Variants in FUBP3 observed in about 807,000 individuals in gnomAD.
The protein encoded by FUBP3 is far upstream element binding protein 3, also known as far upstream element-binding protein 3.
Under a neutral mutation model 85.6 loss-of-function variants are expected in FUBP3, and 28 were observed. That is an observed-to-expected ratio of 0.33 (90% CI 0.24 to 0.45). FUBP3 has a LOEUF of 0.45. Ranked by LOEUF, FUBP3 falls within the 20% of genes least tolerant of loss-of-function variation. FUBP3 has a pLI of 1.00. For missense variants in FUBP3, 583 were observed against 755.1 expected (o/e 0.77, Z 2.67); for synonymous variants, 271 against 271.4 (o/e 1.00, Z 0.01).
In FUBP3 at chr9:130,632,764, C is replaced by T. The variant is rs567212840; in HGVS notation, c.1510+486C>T. On this transcript the variant is annotated intron_variant, in intron 16 of 18. Transcript: ENST00000319725. The stretch of plus-strand genomic sequence containing the variant: ...CTAGGGAATGACTTCTTCTGCATCC[C>T]GCCTCTCCAGGGAGGCTGGTTGTGA... Among the ~76,000 whole-genome samples, 7 of 152,356 alleles carry T rather than the reference C, an allele frequency of 4.6e-5. No homozygotes were observed. The East Asian group carries it at 7.7e-4, about 17-fold the overall frequency.
intron 1 of FUBP3, chr9:130,581,843 C>G (rs1830143226): frequency 6.6e-6 from 1 of 152,206 alleles, no homozygotes; most frequent in African/African-American, 2.4e-5. Context: ...CTCAGTTTTT[C>G]TAGCAGATCG....
intron 1 of FUBP3, among the ~76,000 whole-genome samples, chr9:130,587,044 C>T (rs1312180873): frequency 4.1e-5 from 6 of 144,970 alleles, no homozygotes; most frequent in Admixed American, 2.8e-4. Context: ...CCACTGCACC[C>T]GGCGTTTTTT....
intron 18 of FUBP3, 100 bp from the exon 19 acceptor site, chr9:130,636,914 C>A: frequency 1.0e-6 from 1 of 990,856 alleles, no homozygotes; most frequent in Non-Finnish European, 1.6e-6. Context: ...GAGGTTTTGT[C>A]TGGCCCAGCT....
intron 2 of FUBP3, 120 bp from the exon 3 acceptor site, chr9:130,609,834 T>C: frequency 1.3e-6 from 1 of 761,088 alleles, no homozygotes; most frequent in Non-Finnish European, 2.3e-6. Flanking sequence ...CCTAAATTAC[T>C]GTTTGCTTTC....
At chr9:130,601,259 T>TGA (rs1360593561) in intron 2 of FUBP3, among the ~76,000 whole-genome samples, 3 of 152,248 alleles carry the variant, frequency 2.0e-5, no homozygotes, top group Non-Finnish European at 4.4e-5. Context: ...CATGGTTCAC[T>TGA]GTCCAACTGC....
intron 2 of FUBP3, among the ~76,000 whole-genome samples, chr9:130,597,435 T>C (rs1830927405): frequency 6.6e-6 from 1 of 152,212 alleles, no homozygotes; most frequent in Non-Finnish European, 1.5e-5. Flanking sequence ...CTACACAGCC[T>C]TTGGAAATCT....
rs565428870 is a variant in FUBP3, at chr9:130,610,376, C to T, written c.224+389C>T. 2.6e-5 allele frequency among the ~76,000 whole-genome samples: 4 copies of T among 152,332 alleles called. No homozygotes were observed. In the South Asian group the frequency reaches 8.3e-4, roughly 32 times the overall value. ...TCGAAGTGTGAGGGTCAGACACTCA[C>T]AAGAGAATGCTTTGGGTGCCCAGGG... is the stretch of plus-strand genomic sequence containing the variant. On this transcript the variant is annotated intron_variant, in intron 3 of 18. Transcript: ENST00000319725.
In FUBP3 at chr9:130,595,604, T is replaced by G. The variant is rs1377750936; in HGVS notation, c.190+16T>G. 1 of 1,136,770 alleles carries G rather than the reference T, an allele frequency of 8.8e-7. No individual in the cohort carries two copies. Among genetic ancestry groups the G allele is most frequent in the East Asian group, 2.3e-5 (1 of 42,758 alleles). The allele number at this position is 1,136,770 out of a possible 1,614,324, so 70.4% of individuals were successfully genotyped here. A position where few individuals can be genotyped will look rare whatever the true frequency, so the allele number is the denominator to read the frequency against. ...GATGATGGAGGTAAGTTGCCAGAAA[T>G]ATCTTTGCCTTTCAGGTGGTAGTGA... On this transcript the variant is annotated intron_variant, in intron 2 of 18. Transcript: ENST00000319725.
At chr9:130,631,812 G>C (rs1830222062) in intron 14 of FUBP3, 130 bp from the exon 15 acceptor site, 2 of 835,224 alleles carry the variant, frequency 2.4e-6, no homozygotes, top group East Asian at 4.9e-5. Flanking sequence ...CTCAGCGATG[G>C]GGTGGGAGCC....
chr9:130,614,237 C>G (rs1225869586), intron 5 of FUBP3, 51 bp from the exon 6 acceptor site: 4 of 1,139,910 alleles, frequency 3.5e-6, no homozygotes, highest in Non-Finnish European at 5.3e-6. Flanking sequence ...GGCAGAGGTG[C>G]ATGTGCCCGG....
chr9:130,596,682 G>T, intron 2 of FUBP3: 1 of 451,968 alleles, frequency 2.2e-6, no homozygotes. Flanking sequence ...AAATCCTCCA[G>T]TTCATAGACT....
chr9:130,614,481 A>G (rs1831902746), intron 6 of FUBP3, 136 bp downstream of exon 6: 1 of 570,138 alleles, frequency 1.8e-6, no homozygotes, highest in Non-Finnish European at 3.1e-6. Flanking sequence ...ATTCCATAGG[A>G]AAAAAATCTG....
chr9:130,623,979 T>C (rs1475359905), intron 11 of FUBP3, among the ~76,000 whole-genome samples: 2 of 152,150 alleles, frequency 1.3e-5, no homozygotes, highest in Non-Finnish European at 2.9e-5. Flanking sequence ...GGAAATACCA[T>C]GGAGATTGGT....
intron 13 of FUBP3, chr9:130,631,092 C>T (rs41307430): frequency 5.3e-5 from 60 of 1,136,548 alleles, no homozygotes; most frequent in Non-Finnish European, 6.4e-5. Context: ...CCCCACGCTG[C>T]CCCGGGACTC....
intron 2 of FUBP3, among the ~76,000 whole-genome samples, chr9:130,606,564 T>C (rs902687255): frequency 8.5e-5 from 13 of 152,056 alleles, no homozygotes; most frequent in South Asian, 2.1e-4. Flanking sequence ...CTCACGCCTG[T>C]AATCCCAGCA....
chr9:130,604,828 G>T (rs1489243654), intron 2 of FUBP3, among the ~76,000 whole-genome samples: 1 of 151,932 alleles, frequency 6.6e-6, no homozygotes, highest in African/African-American at 2.4e-5. Flanking sequence ...AACCCAGGAG[G>T]TGGAGATTGC....
intron 2 of FUBP3, among the ~76,000 whole-genome samples, chr9:130,605,970 C>T (rs142556369): frequency 3.3e-5 from 5 of 152,214 alleles, no homozygotes; most frequent in East Asian, 1.9e-4. Flanking sequence ...GGAGACAGAG[C>T]GAGACTCTGT....
chr9:130,600,458 G>T (rs1033691674), intron 2 of FUBP3, among the ~76,000 whole-genome samples: 2 of 152,180 alleles, frequency 1.3e-5, no homozygotes, highest in Non-Finnish European at 2.9e-5. Flanking sequence ...TGATTTAGAA[G>T]TGCGAATTTA....
At position 130,635,221 on chromosome 9, in the gene FUBP3, G is replaced by A. The variant is rs1228072559; in HGVS notation, c.1582+483G>A. ...CTGGGTGCTTAGTTTCTCTTCTTAA[G>A]TAGGCCCGTTTTCTAACTACCAGAA... On this transcript the variant is annotated intron_variant, in intron 17 of 18. Transcript: ENST00000319725. The surrounding 1 kb of genome is among the most constrained non-coding windows in gnomAD (Gnocchi z 4.3). 1.3e-5 allele frequency among the ~76,000 whole-genome samples: 2 copies of A among 152,188 alleles called. No individual in the cohort carries two copies. The highest frequency in any genetic ancestry group is 2.9e-5 in the Non-Finnish European group (2 of 68,026).
Sources: gnomAD v4.1 joint callset for allele counts (sites outside exome capture counted in the v4.1 genomes callset) on GRCh38, gnomAD v4.1.1 for gene constraint, Gnocchi (gnomAD v3.1) non-coding constraint, MANE v1.5 for transcripts, NCBI Gene and HGNC (gene_info 2026-07-23, HGNC 2026-07-21) for gene names.